Variants in TANK observed in about 807,000 individuals in gnomAD.
TANK encodes TRAF family member associated NFKB activator.
Under a neutral mutation model 43.6 loss-of-function variants are expected in TANK, and 15 were observed. That is an observed-to-expected ratio of 0.34 (90% CI 0.23 to 0.53). The LOEUF (loss-of-function observed/expected upper bound fraction) is 0.53. TANK is among the 20% of genes least tolerant of loss of function. The pLI is 0.94. For missense variants in TANK, 417 were observed against 498.6 expected (o/e 0.84, Z 1.56); for synonymous variants, 162 against 178.2 (o/e 0.91, Z 0.73).
In TANK at chr2:161,231,069, C is replaced by T. The variant is rs757532014; in HGVS notation, c.619C>T (p.Pro207Ser). Reference protein sequence around the residue: ...QAKDDINRGAPSITSVTPRGL... With the variant: ...QAKDDINRGASSITSVTPRGL... ...TAAAGATGATATAAATAGAGGTGCA[C>T]CATCCATCACATCTGTCACACCAAG... is the stretch of plus-strand genomic sequence containing the variant. Residue 207 changes from proline (P) to serine (S), a missense_variant, in exon 7 of 8, where the codon CCA becomes TCA. Physicochemically the swap from Pro to Ser is moderately conservative, Grantham distance 74. Coordinates refer to ENST00000392749, the MANE Select transcript of TANK (RefSeq NM_001199135.3). 1.1e-5 allele frequency: 18 copies of T among 1,613,922 alleles called. No homozygotes were observed. The Admixed American group carries it at 3.0e-4, about 27-fold the overall frequency.
intron 1 of TANK, among the ~76,000 whole-genome samples, chr2:161,169,717 GATTAAA>G (rs1461325037): frequency 6.6e-6 from 1 of 152,164 alleles, no homozygotes; most frequent in African/African-American, 2.4e-5. Context: ...GTATAGCTCT[GATTAAA>G]ATAAAAAATT....
chr2:161,224,433 A>G (rs1476210305), intron 5 of TANK, among the ~76,000 whole-genome samples, 198 bp from the exon 6 acceptor site: 1 of 152,068 alleles, frequency 6.6e-6, no homozygotes, highest in Non-Finnish European at 1.5e-5. Context: ...TAAAACTTTT[A>G]ATTTATCACT....
At chr2:161,142,618 G>C (rs1448292368) in intron 1 of TANK, among the ~76,000 whole-genome samples, 1 of 152,156 alleles carries the variant, frequency 6.6e-6, no homozygotes, top group Non-Finnish European at 1.5e-5. Flanking sequence ...ATTTGTCAAA[G>C]ATCAGATGGT....
At position 161,235,526 on chromosome 2, in the gene TANK, T is replaced by A. The variant is rs1688138050; in HGVS notation, c.*8T>A. 6.2e-7 allele frequency: 1 copy of A among 1,606,182 alleles called. No homozygotes were observed. Among genetic ancestry groups the A allele is most frequent in the South Asian group, 1.1e-5 (1 of 90,020 alleles). ...TTCAATGGAGAGACTTAAGACACAT[T>A]TGAAAACAGACATATCAAGTTCTAT... On this transcript the variant is annotated 3_prime_UTR_variant, in exon 8 of 8. Coordinates refer to ENST00000392749, the MANE Select transcript of TANK (RefSeq NM_001199135.3).
At chr2:161,192,778 AAGT>A (rs1391930169) in intron 2 of TANK, among the ~76,000 whole-genome samples, 2 of 152,222 alleles carry the variant, frequency 1.3e-5, no homozygotes, top group African/African-American at 4.8e-5. Flanking sequence ...AGCCCTACAA[AAGT>A]AGACATTGTT....
At chr2:161,215,119 C>A (rs561309192) in intron 4 of TANK, among the ~76,000 whole-genome samples, 5 of 152,278 alleles carry the variant, frequency 3.3e-5, no homozygotes, top group African/African-American at 1.2e-4. Flanking sequence ...GCTCAGGGGC[C>A]ATGGCAGATT....
chr2:161,182,110 G>A (rs538768443), intron 2 of TANK, among the ~76,000 whole-genome samples: 1 of 151,522 alleles, frequency 6.6e-6, no homozygotes, highest in Non-Finnish European at 1.5e-5. Flanking sequence ...CAGGTTTAAG[G>A]CATAACCATT....
intron 1 of TANK, among the ~76,000 whole-genome samples, chr2:161,168,534 GAAA>G (rs1684797870): frequency 6.6e-6 from 1 of 151,938 alleles, no homozygotes; most frequent in Non-Finnish European, 1.5e-5. Flanking sequence ...TTTTCAAAGA[GAAA>G]AAAATCGGTT....
At chr2:161,151,248 C>CT (rs1684072686) in intron 1 of TANK, among the ~76,000 whole-genome samples, 1 of 152,082 alleles carries the variant, frequency 6.6e-6, no homozygotes, top group Non-Finnish European at 1.5e-5. Flanking sequence ...GTATATTCAG[C>CT]TTTTTTGGGG....
chr2:161,231,179 A>C lies in TANK; in HGVS notation c.729A>C (p.Ser243=). Residue 243 remains serine (S), a synonymous_variant, in exon 7 of 8, where the codon TCA becomes TCC. Coordinates refer to ENST00000392749, the MANE Select transcript of TANK (RefSeq NM_001199135.3). ...NVKFPPMDND[S]TFLHSTPERP... ...AGTTTCCACCTATGGACAATGACTCAACTTTCTTACATAGCACTCCAGAGA... is the reference window on the plus strand; with the variant it reads ...AGTTTCCACCTATGGACAATGACTCCACTTTCTTACATAGCACTCCAGAGA... 2 of 1,614,002 alleles carry C rather than the reference A, an allele frequency of 1.2e-6. No homozygotes were observed. Among genetic ancestry groups the C allele is most frequent in the South Asian group, 2.2e-5 (2 of 91,082 alleles).
Position 161,235,412 on chromosome 2 carries a change from A to G in TANK, c.1172A>G (p.His391Arg), listed in dbSNP as rs1381418307. 2 of 1,613,988 alleles carry G rather than the reference A, an allele frequency of 1.2e-6. No individual in the cohort carries two copies. The highest frequency in any genetic ancestry group is 1.7e-5 in the Admixed American group (1 of 60,010). ...CTAAGTGGCACAGACTCAGAACTGC[A>G]TATACCTCGAGTATGTGAATTCTGT... ...VVLSGTDSELHIPRVCEFCQA... is the reference protein window; with the variant it reads ...VVLSGTDSELRIPRVCEFCQA... Residue 391 changes from histidine to arginine, a missense_variant, in exon 8 of 8, where the codon CAT becomes CGT. Physicochemically the swap from His to Arg is conservative, Grantham distance 29. Coordinates refer to ENST00000392749, the MANE Select transcript of TANK (RefSeq NM_001199135.3).
At chr2:161,142,399 G>A (rs1683776235) in intron 1 of TANK, among the ~76,000 whole-genome samples, 1 of 152,130 alleles carries the variant, frequency 6.6e-6, no homozygotes, top group Non-Finnish European at 1.5e-5. Flanking sequence ...CTTTGCCCAT[G>A]CCTATGTCCT....
chr2:161,147,295 C>T (rs556284754), intron 1 of TANK, among the ~76,000 whole-genome samples: 8 of 152,336 alleles, frequency 5.3e-5, no homozygotes, highest in Non-Finnish European at 8.8e-5. Context: ...ATCTCTCCCC[C>T]CAAGGAGCTC....
intron 1 of TANK, among the ~76,000 whole-genome samples, chr2:161,170,526 G>A (rs577964555): frequency 1.2e-4 from 18 of 152,252 alleles, no homozygotes; most frequent in Admixed American, 6.5e-4. Context: ...GTTTCCCTGC[G>A]TTGGTGCATA....
chr2:161,204,979 T>C lies in TANK; in HGVS notation c.327+186T>C, dbSNP rs56175673. On this transcript the variant is annotated intron_variant, in intron 4 of 7. Coordinates refer to ENST00000392749, the MANE Select transcript of TANK (RefSeq NM_001199135.3). ...AAAATAAAGGCTGAGGTTTTGTATT[T>C]CCTACTGACCGTTTTTCTACATCAC... is the stretch of plus-strand genomic sequence containing the variant. The C allele has an allele frequency of 3.1e-5, 42 of 1,366,694 alleles. No homozygotes were observed. The Middle Eastern group carries it at 8.2e-4, about 27-fold the overall frequency. 84.7% of individuals were successfully genotyped at this position (1,366,694 alleles called of 1,614,324 possible). A position where few individuals can be genotyped will look rare whatever the true frequency, so the allele number is the denominator to read the frequency against.
chr2:161,165,025 A>G (rs1300145836), intron 1 of TANK, among the ~76,000 whole-genome samples: 1 of 144,926 alleles, frequency 6.9e-6, no homozygotes, highest in Non-Finnish European at 1.5e-5. Context: ...AATAGCTTTT[A>G]CTTAACACCA....
chr2:161,211,969 T>C (rs1574044440), intron 4 of TANK: 3 of 953,272 alleles, frequency 3.1e-6, no homozygotes, highest in Non-Finnish European at 3.7e-6. Context: ...TTATAGACTT[T>C]CTGGTAGAAT....
intron 4 of TANK, among the ~76,000 whole-genome samples, chr2:161,207,017 TTTG>T (rs1406090591): frequency 6.6e-6 from 1 of 152,078 alleles, no homozygotes; most frequent in African/African-American, 2.4e-5. Context: ...TAGTAATAGT[TTTG>T]TTTTTTTTAA....
intron 6 of TANK, among the ~76,000 whole-genome samples, chr2:161,229,019 T>A (rs915966379): frequency 6.6e-6 from 1 of 152,210 alleles, no homozygotes; most frequent in African/African-American, 2.4e-5. Context: ...CTCAAAATGT[T>A]CCGTCGTTAA....
Sources: gnomAD v4.1 joint callset for allele counts (sites outside exome capture counted in the v4.1 genomes callset) on GRCh38, gnomAD v4.1.1 for gene constraint, MANE v1.5 for transcripts, NCBI Gene and HGNC (gene_info 2026-07-23, HGNC 2026-07-21) for gene names.